Variants in TBC1D2B observed in about 807,000 individuals in gnomAD.
TBC1D2B encodes TBC1 domain family member 2B.
TBC1D2B carries 64 observed loss-of-function variants against 100.8 expected under a neutral mutation model. The ratio of observed to expected loss-of-function variants is 0.64; its 90% CI spans 0.52 to 0.78. The LOEUF is 0.78. Ranked by LOEUF, TBC1D2B falls within the 30% of genes least tolerant of loss-of-function variation. The pLI is 0.00. For synonymous variants in TBC1D2B, 480 were observed against 479.7 expected (o/e 1.00, Z -0.01); for missense variants, 1,052 against 1,218.4 (o/e 0.86, Z 2.03).
intron 1 of TBC1D2B, among the ~76,000 whole-genome samples, chr15:78,071,268 A>G (rs1051061799): frequency 2.0e-5 from 3 of 152,238 alleles, no homozygotes; most frequent in Admixed American, 2.0e-4. Flanking sequence ...GTGCCCAGCT[A>G]ACATTTTTAA....
intron 4 of TBC1D2B, among the ~76,000 whole-genome samples, chr15:78,027,356 T>C (rs1032860192): frequency 6.6e-6 from 1 of 152,198 alleles, no homozygotes; most frequent in African/African-American, 2.4e-5. Context: ...CACTGAGCTA[T>C]ACATTTCTGA....
intron 3 of TBC1D2B, among the ~76,000 whole-genome samples, chr15:78,042,317 T>C (rs577586599): frequency 1.4e-4 from 21 of 152,226 alleles, no homozygotes; most frequent in Non-Finnish European, 2.1e-4. Context: ...GGCAAATCAA[T>C]AGTCCCCCAA....
At chr15:78,046,927 G>T (rs1437361556) in intron 2 of TBC1D2B, among the ~76,000 whole-genome samples, 1 of 152,214 alleles carries the variant, frequency 6.6e-6, no homozygotes, top group South Asian at 2.1e-4. Flanking sequence ...CACATGATGG[G>T]CCTGCACTGT....
Position 78,077,687 on chromosome 15 carries a change from T to G in TBC1D2B, c.-35A>C. 1 of 977,408 alleles carries G rather than the reference T, an allele frequency of 1.0e-6. No individual in the cohort carries two copies. The allele number at this position is 977,408 out of a possible 1,614,324, so 60.5% of individuals were successfully genotyped here. The stretch of plus-strand genomic sequence containing the variant: ...GCGCCAACCGTAGGCGCCCGCGCCC[T>G]GCGCCTCCGCGCCGCGGCCGCTGCG... On this transcript the variant is annotated 5_prime_UTR_variant, in exon 1 of 13. Transcript: ENST00000300584.
Position 78,070,311 on chromosome 15 carries a change from C to A in TBC1D2B, c.360+6982G>T, listed in dbSNP as rs375066766. 3.3e-5 allele frequency among the ~76,000 whole-genome samples: 5 copies of A among 152,150 alleles called. No individual in the cohort carries two copies. In the East Asian group the frequency reaches 5.8e-4, roughly 18 times the overall value. ...TTGAGTCTCAGCTCAAATGTCGCTT[C>A]TTCAGGAAAGTCTTTCCTAGCCCTC... On this transcript the variant is annotated intron_variant, in intron 1 of 12. Coordinates refer to ENST00000300584, the MANE Select transcript of TBC1D2B (RefSeq NM_144572.2).
intron 3 of TBC1D2B, among the ~76,000 whole-genome samples, chr15:78,039,196 A>G (rs1316202700): frequency 6.6e-6 from 1 of 152,182 alleles, no homozygotes; most frequent in South Asian, 2.1e-4. Context: ...AAGGAAAATC[A>G]CAAGTACCAC....
At chr15:78,009,152 C>T (rs772352051) in intron 9 of TBC1D2B, 38 bp from the exon 10 acceptor site, 1 of 1,425,622 alleles carries the variant, frequency 7.0e-7, no homozygotes, top group Non-Finnish European at 9.7e-7. Flanking sequence ...AGCCCAGGCA[C>T]AGACAGCTGC....
chr15:77,998,597 A>T, intron 12 of TBC1D2B: 1 of 475,732 alleles, frequency 2.1e-6, no homozygotes, highest in Admixed American at 3.8e-5. Flanking sequence ...TTGCTGTGTG[A>T]CTGAAGTCAC....
intron 3 of TBC1D2B, among the ~76,000 whole-genome samples, chr15:78,043,310 T>C (rs144102514): frequency 0.015 from 2,239 of 152,302 alleles, 16 homozygotes; most frequent in Middle Eastern, 0.065. Flanking sequence ...GCTGGCCAAC[T>C]GCATAGTGAC....
At chr15:78,012,478 C>T (rs2072255510) in intron 9 of TBC1D2B, among the ~76,000 whole-genome samples, 1 of 152,208 alleles carries the variant, frequency 6.6e-6, no homozygotes, top group African/African-American at 2.4e-5. Flanking sequence ...ACTGCATAAA[C>T]AACGGGTGAC....
intron 3 of TBC1D2B, among the ~76,000 whole-genome samples, chr15:78,033,746 A>G (rs1462663434): frequency 2.0e-5 from 3 of 152,214 alleles, no homozygotes; most frequent in Admixed American, 6.5e-5. Flanking sequence ...GAGGTGGATT[A>G]AAGGAAAGGG....
At chr15:78,007,123 C>A (rs951445987) in intron 10 of TBC1D2B, among the ~76,000 whole-genome samples, 6 of 152,298 alleles carry the variant, frequency 3.9e-5, no homozygotes, top group Admixed American at 3.9e-4. Context: ...GGATGTTGTT[C>A]CAGTAGAGGG....
intron 2 of TBC1D2B, among the ~76,000 whole-genome samples, chr15:78,045,281 T>C (rs2073172690): frequency 6.6e-6 from 1 of 152,170 alleles, no homozygotes; most frequent in Non-Finnish European, 1.5e-5. Flanking sequence ...CAAAGGAAGG[T>C]TGTGACATGC....
intron 10 of TBC1D2B, among the ~76,000 whole-genome samples, chr15:78,003,973 G>A (rs1451718967): frequency 6.6e-6 from 1 of 152,158 alleles, no homozygotes; most frequent in Non-Finnish European, 1.5e-5. Context: ...TGGGGGTGGC[G>A]AGGACTCCGG....
At position 77,997,520 on chromosome 15, in the gene TBC1D2B, A is replaced by C. The variant is rs766855694; in HGVS notation, c.*640T>G. 2 of 152,354 alleles carry C rather than the reference A, an allele frequency of 1.3e-5. No individual in the cohort carries two copies. Among genetic ancestry groups the C allele is most frequent in the Non-Finnish European group, 2.9e-5 (2 of 68,116 alleles). The allele number at this position is 152,354 out of a possible 1,614,324, so 9.4% of individuals were successfully genotyped here. A position where few individuals can be genotyped will look rare whatever the true frequency, so the allele number is the denominator to read the frequency against. On this transcript the variant is annotated 3_prime_UTR_variant, in exon 13 of 13. Coordinates refer to ENST00000300584, the MANE Select transcript of TBC1D2B (RefSeq NM_144572.2). ...AGGCCCTCCCCATGCAGGCTGGAAG[A>C]CACTGATGGAAGGGTTGCGTGTGGA... is the stretch of plus-strand genomic sequence containing the variant.
intron 3 of TBC1D2B, among the ~76,000 whole-genome samples, chr15:78,037,754 G>A (rs1328374758): frequency 1.3e-5 from 2 of 152,110 alleles, no homozygotes; most frequent in Non-Finnish European, 2.9e-5. Context: ...CAATTTTGAG[G>A]GTCATGACAA....
intron 8 of TBC1D2B, among the ~76,000 whole-genome samples, chr15:78,014,750 T>G (rs1009207341): frequency 3.9e-5 from 6 of 152,158 alleles, no homozygotes; most frequent in Admixed American, 1.3e-4. Context: ...AGGAGTAACT[T>G]GTATCAACCT....
At chr15:78,014,511 A>G (rs759725349) in intron 8 of TBC1D2B, among the ~76,000 whole-genome samples, 2 of 152,254 alleles carry the variant, frequency 1.3e-5, no homozygotes, top group Non-Finnish European at 2.9e-5. Flanking sequence ...CACTGTAACA[A>G]GGAAAAATGG....
At chr15:78,058,107 G>A (rs751215945) in intron 1 of TBC1D2B, among the ~76,000 whole-genome samples, 7 of 152,286 alleles carry the variant, frequency 4.6e-5, no homozygotes, top group African/African-American at 9.6e-5. Flanking sequence ...GAATAAATAC[G>A]ATAGTATTAA....
Sources: allele counts gnomAD v4.1 joint callset (sites outside exome capture counted in the v4.1 genomes callset), GRCh38; gene constraint gnomAD v4.1.1; transcripts MANE v1.5; gene names NCBI Gene and HGNC (gene_info 2026-07-23, HGNC 2026-07-21).